Variants in SIK3 observed in about 807,000 individuals in gnomAD.
SIK3 encodes SIK family kinase 3.
Under a neutral mutation model 144.2 loss-of-function variants are expected in SIK3, and 28 were observed. That is an observed-to-expected ratio of 0.19 (90% confidence interval 0.14 to 0.27). The LOEUF is 0.27. SIK3 is among the 10% of genes least tolerant of loss of function. The pLI, the probability that SIK3 is intolerant of heterozygous loss-of-function variation, is 1.00. For missense variants in SIK3, 1,319 were observed against 1,776.0 expected (o/e 0.74, Z 4.62); for synonymous variants, 686 against 676.3 (o/e 1.01, Z -0.22).
At chr11:116,947,529 ATATATG>A (rs1167086307) in intron 3 of SIK3, among the ~76,000 whole-genome samples, 2 of 109,254 alleles carry the variant, frequency 1.8e-5, no homozygotes, top group African/African-American at 6.7e-5. Context: ...ATATATATAT[ATATATG>A]TATGTATGTA....
At chr11:117,019,682 T>G (rs1315071381) in intron 1 of SIK3, among the ~76,000 whole-genome samples, 7 of 151,808 alleles carry the variant, frequency 4.6e-5, no homozygotes, top group African/African-American at 1.7e-4. Flanking sequence ...GGCGTGATCT[T>G]GACTCACTGC....
At chr11:116,973,935 G>A (rs950428042) in intron 1 of SIK3, among the ~76,000 whole-genome samples, 27 of 152,140 alleles carry the variant, frequency 1.8e-4, no homozygotes, top group Non-Finnish European at 2.4e-4. Context: ...ACTAAATGGC[G>A]TGTGGTATCC....
At chr11:116,898,154 G>C (rs1945525337) in intron 4 of SIK3, among the ~76,000 whole-genome samples, 1 of 150,818 alleles carries the variant, frequency 6.6e-6, no homozygotes, top group Admixed American at 6.6e-5. Flanking sequence ...TCCCCAGAGT[G>C]TGATGTTCCC....
chr11:117,086,709 T>C (rs1441611962), intron 1 of SIK3, among the ~76,000 whole-genome samples: 2 of 130,590 alleles, frequency 1.5e-5, no homozygotes, highest in Non-Finnish European at 3.2e-5. Flanking sequence ...AAAAAGTCAG[T>C]GGAGAGGCAA....
intron 3 of SIK3, among the ~76,000 whole-genome samples, chr11:116,953,609 CAT>C (rs1442287057): frequency 6.6e-6 from 1 of 152,206 alleles, no homozygotes; most frequent in Non-Finnish European, 1.5e-5. Flanking sequence ...AATATAGTTA[CAT>C]GTTATATTTA....
At chr11:116,852,414 T>A (rs1184597500) in intron 21 of SIK3, among the ~76,000 whole-genome samples, 3 of 152,184 alleles carry the variant, frequency 2.0e-5, no homozygotes, top group Admixed American at 2.0e-4. Context: ...AGCTCATCCC[T>A]CAGCCAAGCT....
Position 116,846,465 on chromosome 11 carries a change from A to G in SIK3, c.4041T>C (p.Cys1347=). ...TGTAGCTGAGCAGAATGTCTGTAATACACGTAGATGGATAGCAAGAGGAGT... is the reference window on the plus strand; with the variant it reads ...TGTAGCTGAGCAGAATGTCTGTAATGCACGTAGATGGATAGCAAGAGGAGT... ...HLNSSCYPST[C]ITDILLSYKH... The change falls in exon 24 of 25, where the codon TGT becomes TGC. Residue 1347 remains cysteine, a synonymous_variant. Coordinates refer to ENST00000445177, the MANE Select transcript of SIK3 (RefSeq NM_001366686.3). This position sits in a 1 kb window ranked among gnomAD's most constrained non-coding sequence, Gnocchi z 4.1. 2 of 1,614,220 alleles carry G rather than the reference A, an allele frequency of 1.2e-6. No individual in the cohort carries two copies. Among genetic ancestry groups the G allele is most frequent in the Non-Finnish European group, 1.7e-6 (2 of 1,180,046 alleles).
At chr11:117,076,163 G>C (rs1053163576) in intron 1 of SIK3, among the ~76,000 whole-genome samples, 2 of 151,806 alleles carry the variant, frequency 1.3e-5, no homozygotes, top group South Asian at 4.2e-4. Context: ...ACTGATACTC[G>C]TAAAACTTAC....
chr11:117,095,166 A>G (rs530999290), intron 1 of SIK3, among the ~76,000 whole-genome samples: 6 of 133,668 alleles, frequency 4.5e-5, no homozygotes, highest in African/African-American at 8.3e-5. Flanking sequence ...TTAGTCTCTT[A>G]GTTCTTGGAA....
chr11:117,026,368 G>C (rs933546875), intron 1 of SIK3, among the ~76,000 whole-genome samples: 1 of 152,096 alleles, frequency 6.6e-6, no homozygotes, highest in African/African-American at 2.4e-5. Context: ...ACCTAATGAT[G>C]CATTTCTCAG....
rs758936580 is a variant in SIK3 at position 117,033,818 on chromosome 11, G to C, written c.273+64325C>G. Among the ~76,000 whole-genome samples, 20 of 151,698 alleles carry C rather than the reference G, an allele frequency of 1.3e-4. No individual in the cohort carries two copies. In the East Asian group the frequency reaches 3.7e-3, roughly 28 times the overall value. On this transcript the variant is annotated intron_variant, in intron 1 of 24. Coordinates refer to ENST00000445177, the MANE Select transcript of SIK3 (RefSeq NM_001366686.3). ...ATCTGATAATGGATATAAGAAGATT[G>C]ATCAGGCTCAAGGCAAATTATTAAT...
At chr11:117,058,698 GT>G (rs1953657611) in intron 1 of SIK3, among the ~76,000 whole-genome samples, 1 of 152,154 alleles carries the variant, frequency 6.6e-6, no homozygotes, top group African/African-American at 2.4e-5. Flanking sequence ...AGAAAGAACT[GT>G]CATTCTGGTG....
At chr11:116,894,491 A>G (rs533193168) in intron 6 of SIK3, among the ~76,000 whole-genome samples, 1 of 152,194 alleles carries the variant, frequency 6.6e-6, no homozygotes, top group Non-Finnish European at 1.5e-5. Context: ...CAGTAAAACC[A>G]TCCTTCCATT....
intron 1 of SIK3, among the ~76,000 whole-genome samples, chr11:117,081,143 T>C (rs984661379): frequency 6.6e-6 from 1 of 151,974 alleles, no homozygotes; most frequent in Non-Finnish European, 1.5e-5. Context: ...TGTGGTATGT[T>C]CCCTTTTTTA....
At chr11:117,036,233 T>TA (rs1402280421) in intron 1 of SIK3, among the ~76,000 whole-genome samples, 4 of 140,424 alleles carry the variant, frequency 2.8e-5, no homozygotes, top group East Asian at 2.0e-4. Flanking sequence ...AAATAAAATT[T>TA]AAAAAAAAAT....
At chr11:116,938,483 GGAGAA>G (rs1948071816) in intron 3 of SIK3, among the ~76,000 whole-genome samples, 2 of 51,528 alleles carry the variant, frequency 3.9e-5, no homozygotes, top group Non-Finnish European at 7.7e-5. Flanking sequence ...GGAGAGGAGA[GGAGAA>G]GAGAAGGAGA....
chr11:116,964,818 G>A (rs552565321), intron 1 of SIK3, among the ~76,000 whole-genome samples: 1 of 152,040 alleles, frequency 6.6e-6, no homozygotes, highest in Admixed American at 6.5e-5. Flanking sequence ...GGAGGCGGAG[G>A]TTGCAGTGAG....
chr11:116,912,940 A>G (rs562971173), intron 4 of SIK3, among the ~76,000 whole-genome samples: 2 of 152,348 alleles, frequency 1.3e-5, no homozygotes, highest in African/African-American at 4.8e-5. Flanking sequence ...AGGATTTAGA[A>G]TGTTCTCCTG....
rs377095180 is a variant in SIK3, at chr11:117,009,755, G to C, written c.274-52691C>G. On this transcript the variant is annotated intron_variant, in intron 1 of 24. Transcript: ENST00000445177. ...AGAGATTCCCTACTTAATGATTAGT[G>C]AATCTTTATCACCTTCCTGAAAATT... 1.4e-4 allele frequency among the ~76,000 whole-genome samples: 21 copies of C among 152,190 alleles called. No individual in the cohort carries two copies. In the South Asian group the frequency reaches 2.3e-3, roughly 17 times the overall value.
Sources: allele counts gnomAD v4.1 joint callset (sites outside exome capture counted in the v4.1 genomes callset), GRCh38; gene constraint gnomAD v4.1.1; non-coding constraint Gnocchi (gnomAD v3.1); transcripts MANE v1.5; gene names NCBI Gene and HGNC (gene_info 2026-07-23, HGNC 2026-07-21).